Variants in MX2 observed in about 807,000 individuals in gnomAD.
MX2 encodes the protein MX dynamin like GTPase 2.
In MX2, 51 loss-of-function variants were observed where a neutral mutation model predicts 74.0. The observed-to-expected ratio is 0.69, with a 90% confidence interval of 0.55 to 0.87. MX2 has a LOEUF of 0.87. Ranked by LOEUF, MX2 falls within the 40% of genes least tolerant of loss-of-function variation. MX2 has a pLI of 0.00. For synonymous variants in MX2, 369 were observed against 339.3 expected, an observed-to-expected ratio of 1.09 and a Z score of -0.96; for missense variants, 832 against 908.7, an observed-to-expected ratio of 0.92 and a Z score of 1.09.
At position 41,383,512 on chromosome 21, in the gene MX2, C is replaced by T. The variant is rs541043107; in HGVS notation, c.732+948C>T. ...CCTGTCATGCTTTGGCAAGCCAGCT[C>T]ATGTGGAAATGAAGGAGACAGAGTC... On this transcript the variant is annotated intron_variant, in intron 5 of 13. Transcript: ENST00000330714. 6.6e-5 allele frequency among the ~76,000 whole-genome samples: 10 copies of T among 152,358 alleles called. No individual in the cohort carries two copies. In the South Asian group the frequency reaches 1.9e-3, roughly 28 times the overall value.
At chr21:41,407,076 C>G (rs1427850396) in intron 13 of MX2, 78 bp downstream of exon 13, 3 of 1,489,182 alleles carry the variant, frequency 2.0e-6, no homozygotes, top group Non-Finnish European at 2.7e-6. Context: ...CCTAGAGAGG[C>G]TTTGCTGAGG....
intron 6 of MX2, 60 bp from the exon 7 acceptor site, chr21:41,395,527 G>A: frequency 6.4e-7 from 1 of 1,553,030 alleles, no homozygotes; most frequent in Non-Finnish European, 8.9e-7. Context: ...TCCAGTAGGA[G>A]TCAAACCTGT....
intron 7 of MX2, 69 bp downstream of exon 7, chr21:41,395,854 A>G (rs1467198471): frequency 1.3e-6 from 2 of 1,499,508 alleles, no homozygotes; most frequent in East Asian, 4.6e-5. Flanking sequence ...GAGTTGGCCC[A>G]GATCATGACC....
intron 6 of MX2, among the ~76,000 whole-genome samples, chr21:41,393,244 T>G (rs575853699): frequency 6.6e-6 from 1 of 152,098 alleles, no homozygotes; most frequent in Non-Finnish European, 1.5e-5. Flanking sequence ...AATATCAAGT[T>G]TCAAAAAGAA....
chr21:41,403,499 A>G lies in MX2; in HGVS notation c.1650+156A>G. 4 of 756,306 alleles carry G rather than the reference A, an allele frequency of 5.3e-6. No individual in the cohort carries two copies. The South Asian group carries it at 5.6e-5, about 11-fold the overall frequency. The allele number at this position is 756,306 out of a possible 1,614,324, so 46.8% of individuals were successfully genotyped here. On this transcript the variant is annotated intron_variant, in intron 12 of 13. Coordinates refer to ENST00000330714, the MANE Select transcript of MX2 (RefSeq NM_002463.2). ...GCTGGCGGGGCTGGTGGAGCTGGTG[A>G]CTCCAGGAGCACCTGCCTGCCTGGC...
At chr21:41,399,078 T>G in intron 9 of MX2, 59 bp downstream of exon 9, 1 of 1,596,564 alleles carries the variant, frequency 6.3e-7, no homozygotes, top group Non-Finnish European at 8.6e-7. Context: ...GCCCTGCAGC[T>G]GCCCTTCCCC....
chr21:41,370,356 T>C (rs543976102), intron 1 of MX2: 2 of 152,334 alleles, frequency 1.3e-5, no homozygotes, highest in African/African-American at 2.4e-5. Context: ...CAAAGTACGA[T>C]GACGGTCCTC....
At position 41,395,782 on chromosome 21, in the gene MX2, T is replaced by G. The variant is rs1319926206; in HGVS notation, c.1067T>G (p.Phe356Cys). The change falls in exon 7 of 14, where the codon TTC becomes TGC. Residue 356 changes from phenylalanine to cysteine, a missense_variant. By Grantham distance (205) the Phe-to-Cys change is radical (BLOSUM62 -2). Transcript: ENST00000330714. Reference protein sequence around the residue: ...EITFFQTHPYFRVLLEEGSAT... With the variant: ...EITFFQTHPYCRVLLEEGSAT... ...ACATTCTTTCAAACACATCCATATTTCAGGTGAGACTCTTCAGGAAAGCTC... is the reference window on the plus strand; with the variant it reads ...ACATTCTTTCAAACACATCCATATTGCAGGTGAGACTCTTCAGGAAAGCTC... The G allele has an allele frequency of 6.8e-6, 11 of 1,613,940 alleles. No individual in the cohort carries two copies. The highest frequency in any genetic ancestry group is 9.3e-6 in the Non-Finnish European group (11 of 1,180,024).
At chr21:41,375,494 ATCTGTGC>A (rs1369030251) in intron 1 of MX2, among the ~76,000 whole-genome samples, 8 of 152,226 alleles carry the variant, frequency 5.3e-5, no homozygotes, top group Admixed American at 2.6e-4. Flanking sequence ...CCCAGGGGGA[ATCTGTGC>A]TCTCCTCCCA....
intron 1 of MX2, among the ~76,000 whole-genome samples, chr21:41,371,660 G>A (rs1430170378): frequency 6.6e-6 from 1 of 152,182 alleles, no homozygotes; most frequent in African/African-American, 2.4e-5. Context: ...GCTGGACTAA[G>A]TGAGCACTCA....
At chr21:41,375,661 G>A (rs971412500) in intron 1 of MX2, among the ~76,000 whole-genome samples, 1 of 152,190 alleles carries the variant, frequency 6.6e-6, no homozygotes, top group African/African-American at 2.4e-5. Flanking sequence ...CACCTGTGAT[G>A]AGATTTAGGG....
At chr21:41,390,418 CCA>C in intron 5 of MX2, 145 bp from the exon 6 acceptor site, 1 of 1,203,910 alleles carries the variant, frequency 8.3e-7, no homozygotes, top group Non-Finnish European at 1.2e-6. Flanking sequence ...GCAGGCATTC[CCA>C]GGACGGGGCT....
Position 41,402,517 on chromosome 21 carries a change from G to A in MX2, c.1573+389G>A, listed in dbSNP as rs557932450. On this transcript the variant is annotated intron_variant, in intron 11 of 13. Transcript: ENST00000330714. The surrounding 1 kb of genome is among the most constrained non-coding windows in gnomAD (Gnocchi z 4.5). The stretch of plus-strand genomic sequence containing the variant: ...ATCACACGCAGCCACCAACACAGCC[G>A]CGTAAGGCAGCGGTCCCCAGTCTTT... The A allele has an allele frequency of 1.1e-4, 20 of 183,150 alleles. No homozygotes were observed. The highest frequency in any genetic ancestry group is 2.0e-4 in the Non-Finnish European group (18 of 87,892). The allele number at this position is 183,150 out of a possible 1,614,324, so 11.3% of individuals were successfully genotyped here.
chr21:41,388,815 C>A lies in MX2; in HGVS notation c.733-1750C>A, dbSNP rs1439857476. On this transcript the variant is annotated intron_variant, in intron 5 of 13. Transcript: ENST00000330714. This position sits in a 1 kb window ranked among gnomAD's most constrained non-coding sequence, Gnocchi z 4.0. ...ATTCCCAGCCCAGAGCTTTTGTACC[C>A]CCAGGGGACACTGGCAATGTCAGGA... Among the ~76,000 whole-genome samples, 1 of 152,172 alleles carries A rather than the reference C, an allele frequency of 6.6e-6. No homozygotes were observed. The highest frequency in any genetic ancestry group is 1.5e-5 in the Non-Finnish European group (1 of 68,042).
In MX2 at chr21:41,395,639, G is replaced by A; in HGVS notation, c.924G>A (p.Met308Ile). 1 of 1,614,208 alleles carries A rather than the reference G, an allele frequency of 6.2e-7. No homozygotes were observed. The highest frequency in any genetic ancestry group is 1.1e-5 in the South Asian group (1 of 91,084). The change falls in exon 7 of 14, where the codon ATG becomes ATA. Residue 308 changes from methionine (M) to isoleucine (I), a missense_variant. Transcript: ENST00000330714. ...ACAGGGGCACTGAGAAAAGCGTCAT[G>A]AATGTGGTGCGGAACCTCACGTACC... The part of the protein sequence containing the change: ...LMDRGTEKSV[M>I]NVVRNLTYPL...
intron 12 of MX2, chr21:41,404,088 C>T (rs1246164286): frequency 1.2e-5 from 2 of 170,828 alleles, no homozygotes; most frequent in Non-Finnish European, 2.5e-5. Flanking sequence ...CCTTGGTCCC[C>T]TTGGTCCCTG....
Position 41,408,032 on chromosome 21 carries a change from T to A in MX2, c.1947T>A (p.Ile649=). The A allele has an allele frequency of 6.2e-7, 1 of 1,614,088 alleles. No homozygotes were observed. The highest frequency in any genetic ancestry group is 1.3e-5 in the African/African-American group (1 of 74,982). Residue 649 remains isoleucine, a synonymous_variant, in exon 14 of 14, where the codon ATT becomes ATA. Coordinates refer to ENST00000330714, the MANE Select transcript of MX2 (RefSeq NM_002463.2). ...KRLANQIPFI[I]QYFMLRENGD... is the part of the protein sequence containing the mutation. ...TCGCCAACCAGATCCCATTTATAAT[T>A]CAGTATTTTATGCTCCGAGAGAATG...
chr21:41,378,197 ACGTT>A (rs2089436409), intron 3 of MX2, among the ~76,000 whole-genome samples: 1 of 151,448 alleles, frequency 6.6e-6, no homozygotes, highest in African/African-American at 2.4e-5. Context: ...TGGGAGAGAC[ACGTT>A]GCTGGGAGAG....
At chr21:41,364,357 T>C (rs1356797889) in intron 1 of MX2, 2 of 152,230 alleles carry the variant, frequency 1.3e-5, no homozygotes, top group African/African-American at 2.4e-5. Flanking sequence ...CAGCCCTCAA[T>C]AGAAATCAAT....
Sources: gnomAD v4.1 joint callset for allele counts (sites outside exome capture counted in the v4.1 genomes callset) on GRCh38, gnomAD v4.1.1 for gene constraint, Gnocchi (gnomAD v3.1) non-coding constraint, MANE v1.5 for transcripts, NCBI Gene and HGNC (gene_info 2026-07-23, HGNC 2026-07-21) for gene names.